LAMA2: variants seen among roughly 807,000 people sequenced by gnomAD.
The protein encoded by LAMA2 is laminin subunit alpha 2.
Under a neutral mutation model 364.8 loss-of-function variants are expected in LAMA2, and 269 were observed. That is an observed-to-expected ratio of 0.74 (90% confidence interval 0.67 to 0.82). LAMA2 has a LOEUF of 0.82. LAMA2 is among the 40% of genes least tolerant of loss of function. The probability of loss-of-function intolerance (pLI) is 0.00; values close to 1 mark genes in which losing one functional copy is unlikely to be tolerated. For synonymous variants in LAMA2, 1,379 were observed against 1,370.6 expected (o/e 1.01, Z -0.14); for missense variants, 3,807 against 3,873.2 (o/e 0.98, Z 0.45).
chr6:129,366,366 G>T lies in LAMA2; in HGVS notation c.4860+5G>T, dbSNP rs765666883. The stretch of plus-strand genomic sequence containing the variant: ...AATATGACTCAGGAGCTAAAGGTAG[G>T]TTGGTGCAGTCACAAGCAAGGGCCA... On this transcript the variant is annotated splice_donor_5th_base_variant and intron_variant, in intron 33 of 64. Coordinates refer to ENST00000421865, the MANE Select transcript of LAMA2 (RefSeq NM_000426.4). 1.2e-6 allele frequency: 2 copies of T among 1,613,224 alleles called. No individual in the cohort carries two copies. Among genetic ancestry groups the T allele is most frequent in the African/African-American group, 2.7e-5 (2 of 74,862 alleles).
At chr6:129,473,143 A>T (rs1332673835) in intron 51 of LAMA2, 71 bp from the exon 52 acceptor site, 14 of 1,214,016 alleles carry the variant, frequency 1.2e-5, no homozygotes, top group African/African-American at 1.5e-5. Context: ...TTTGTCTTGA[A>T]GTATTAATGA....
At chr6:129,108,455 T>C (rs111482350) in intron 4 of LAMA2, among the ~76,000 whole-genome samples, 13 of 152,310 alleles carry the variant, frequency 8.5e-5, no homozygotes, top group African/African-American at 3.1e-4. Flanking sequence ...TTAGTGTCTT[T>C]AGTCATTGCT....
At chr6:128,952,547 A>T (rs529758558) in intron 1 of LAMA2, among the ~76,000 whole-genome samples, 1 of 152,156 alleles carries the variant, frequency 6.6e-6, no homozygotes, top group Non-Finnish European at 1.5e-5. Flanking sequence ...TTAAAGCTTG[A>T]TTGTTCAGAA....
In LAMA2 at chr6:129,200,400, A is replaced by ATGTACACATATACATATACGTGTATATG. The variant is rs1299461974; in HGVS notation, c.1782+7566_1782+7593dup. On this transcript the variant is annotated intron_variant, in intron 12 of 64. Coordinates refer to ENST00000421865, the MANE Select transcript of LAMA2 (RefSeq NM_000426.4). ...TGTACACATATACATGTGTATATAC[A>ATGTACACATATACATATACGTGTATATG]TGTACACATATACATATACGTGTAT... 8.3e-3 allele frequency among the ~76,000 whole-genome samples: 1,226 copies of ATGTACACATATACATATACGTGTATATG among 147,308 alleles called. 14 individuals are homozygous for ATGTACACATATACATATACGTGTATATG. Among genetic ancestry groups the ATGTACACATATACATATACGTGTATATG allele is most frequent in the African/African-American group, 0.014 (568 of 39,428 alleles).
intron 34 of LAMA2, among the ~76,000 whole-genome samples, chr6:129,370,736 T>G (rs1379056994): frequency 2.6e-5 from 4 of 152,188 alleles, no homozygotes; most frequent in African/African-American, 9.7e-5. Context: ...ACTTTGTATT[T>G]TAAAGAAGAG....
intron 4 of LAMA2, among the ~76,000 whole-genome samples, chr6:129,099,860 G>T (rs965728137): frequency 6.6e-6 from 1 of 152,202 alleles, no homozygotes; most frequent in African/African-American, 2.4e-5. Flanking sequence ...GGACTCAAAT[G>T]CAGTGAGTCA....
At chr6:129,515,176 A>AGTAAG (rs111845666) in intron 64 of LAMA2, among the ~76,000 whole-genome samples, 1,636 of 152,336 alleles carry the variant, frequency 0.011, 16 homozygotes, top group African/African-American at 0.037. Context: ...CTTGATGAGA[A>AGTAAG]GTAAGCCAAG....
intron 12 of LAMA2, among the ~76,000 whole-genome samples, chr6:129,213,960 A>G (rs568563994): frequency 3.9e-5 from 6 of 152,246 alleles, no homozygotes; most frequent in African/African-American, 1.4e-4. Context: ...CTTCTATGTT[A>G]TCTTCCAAGA....
rs539644538 is a variant in LAMA2 at position 129,151,143 on chromosome 6, G to A, written c.1027+2047G>A. Among the ~76,000 whole-genome samples the A allele has an allele frequency of 5.9e-5, 9 of 152,216 alleles. No individual in the cohort carries two copies. In the East Asian group the frequency reaches 1.2e-3, roughly 20 times the overall value. On this transcript the variant is annotated intron_variant, in intron 7 of 64. Transcript: ENST00000421865. ...TATTCTTGAAGGTTACAGACAGAGC[G>A]GGGTAGGCTGCAGCCTACAGACAGA...
Position 129,473,535 on chromosome 6 carries a change from T to C in LAMA2, c.7439+183T>C, listed in dbSNP as rs371550497. Among the ~76,000 whole-genome samples, 357 of 152,178 alleles carry C rather than the reference T, an allele frequency of 2.3e-3. 2 individuals carry two copies. The highest frequency in any genetic ancestry group is 3.8e-3 in the Non-Finnish European group (261 of 67,928). On this transcript the variant is annotated intron_variant, in intron 52 of 64. Coordinates refer to ENST00000421865, the MANE Select transcript of LAMA2 (RefSeq NM_000426.4). ...CAGGATTTAGAAACCAAAGGACTAA[T>C]TTGACATCTTTGTTGAAGAGATGGA...
chr6:129,032,134 T>G (rs983077782), intron 1 of LAMA2, among the ~76,000 whole-genome samples: 1 of 152,214 alleles, frequency 6.6e-6, no homozygotes, highest in African/African-American at 2.4e-5. Context: ...ATGAATTTCT[T>G]ATTGGAGAAT....
intron 20 of LAMA2, among the ~76,000 whole-genome samples, chr6:129,296,008 A>C (rs1773158611): frequency 6.6e-6 from 1 of 151,860 alleles, no homozygotes; most frequent in African/African-American, 2.4e-5. Flanking sequence ...TGAAATTTAC[A>C]TAGTATTTAT....
intron 45 of LAMA2, among the ~76,000 whole-genome samples, chr6:129,450,337 T>C (rs1161173134): frequency 6.8e-6 from 1 of 146,268 alleles, no homozygotes; most frequent in African/African-American, 2.6e-5. Context: ...TGTTTTGTTT[T>C]GACATGGAGT....
chr6:129,505,148 A>G, intron 60 of LAMA2, 52 bp from the exon 61 acceptor site: 2 of 1,482,514 alleles, frequency 1.3e-6, no homozygotes, highest in Non-Finnish European at 9.4e-7. Context: ...TATACTCTGC[A>G]TATGTGAAAT....
At chr6:129,265,184 T>TGGGAATATGG in intron 15 of LAMA2, among the ~76,000 whole-genome samples, 1 of 152,230 alleles carries the variant, frequency 6.6e-6, no homozygotes, top group Non-Finnish European at 1.5e-5. Context: ...ATTCCCCACA[T>TGGGAATATGG]CACTTGTTTG....
chr6:129,079,134 G>A (rs561235273), intron 3 of LAMA2, among the ~76,000 whole-genome samples: 1 of 152,146 alleles, frequency 6.6e-6, no homozygotes, highest in South Asian at 2.1e-4. Flanking sequence ...TGGGCATATG[G>A]GCTTCAATCT....
rs140467482 is a variant in LAMA2, at chr6:129,250,364, T to C, written c.1884+151T>C. ...GGAGATTTTTGTGCCACTCTTTTGT[T>C]TCACTCTGAGACATATCTAGAAGAT... On this transcript the variant is annotated intron_variant, in intron 13 of 64. Coordinates refer to ENST00000421865, the MANE Select transcript of LAMA2 (RefSeq NM_000426.4). The C allele has an allele frequency of 9.5e-3, 6,332 of 664,286 alleles. 80 individuals are homozygous for C. The highest frequency in any genetic ancestry group is 0.036 in the South Asian group (2,132 of 59,746). 41.1% of individuals were successfully genotyped at this position (664,286 alleles called of 1,614,324 possible).
intron 8 of LAMA2, chr6:129,158,352 CTT>C: frequency 6.2e-7 from 1 of 1,612,414 alleles, no homozygotes. Flanking sequence ...CACCGCCACT[CTT>C]TCGCCATGCC....
In LAMA2 at chr6:129,401,214, T is replaced by C; in HGVS notation, c.5446-10T>C. 1 of 1,505,974 alleles carries C rather than the reference T, an allele frequency of 6.6e-7. No homozygotes were observed. Among genetic ancestry groups the C allele is most frequent in the Non-Finnish European group, 9.2e-7 (1 of 1,082,884 alleles). The allele number at this position is 1,505,974 out of a possible 1,614,324, so 93.3% of individuals were successfully genotyped here. On this transcript the variant is annotated splice_polypyrimidine_tract_variant and intron_variant, in intron 37 of 64. Coordinates refer to ENST00000421865, the MANE Select transcript of LAMA2 (RefSeq NM_000426.4). ...TGCAATTTTGATGTCTTGTTCATAA[T>C]GGTCTACAGAAAAAGAAGGAGGCTG...
Sources: gnomAD v4.1 joint callset for allele counts (sites outside exome capture counted in the v4.1 genomes callset) on GRCh38, gnomAD v4.1.1 for gene constraint, MANE v1.5 for transcripts, NCBI Gene and HGNC (gene_info 2026-07-23, HGNC 2026-07-21) for gene names.